SLC28A3: variants seen among roughly 807,000 people sequenced by gnomAD.
SLC28A3 encodes the protein solute carrier family 28 member 3, also known as concentrative Na(+)-nucleoside cotransporter 3.
Under a neutral mutation model 84.2 loss-of-function variants are expected in SLC28A3, and 68 were observed. That is an observed-to-expected ratio of 0.81 (90% CI 0.66 to 0.99). SLC28A3 has a LOEUF of 0.99. SLC28A3 is among the 50% of genes least tolerant of loss of function. SLC28A3 has a pLI of 0.00. For synonymous variants in SLC28A3, 267 were observed against 303.6 expected (o/e 0.88, Z 1.25); for missense variants, 712 against 841.5 (o/e 0.85, Z 1.90).
At chr9:84,327,889 T>G (rs10868148) in intron 1 of SLC28A3, among the ~76,000 whole-genome samples, 118,651 of 145,496 alleles carry the variant, frequency 0.82, 48,467 homozygotes, top group African/African-American at 0.9. Flanking sequence ...TTGTGCCACC[T>G]CACTCCAGCC....
intron 5 of SLC28A3, among the ~76,000 whole-genome samples, chr9:84,301,154 A>G (rs1226017112): frequency 6.6e-6 from 1 of 151,928 alleles, no homozygotes; most frequent in African/African-American, 2.4e-5. Context: ...GTTCAAGACC[A>G]GCCTGAGCAA....
chr9:84,283,534 G>A (rs554902994), intron 14 of SLC28A3, among the ~76,000 whole-genome samples: 1 of 152,226 alleles, frequency 6.6e-6, no homozygotes, highest in Non-Finnish European at 1.5e-5. Context: ...AGGGAGAAGA[G>A]GTCCAGAGAA....
chr9:84,294,888 G>C (rs147651318), intron 8 of SLC28A3, among the ~76,000 whole-genome samples: 1 of 148,104 alleles, frequency 6.8e-6, no homozygotes, highest in Admixed American at 6.6e-5. Flanking sequence ...GGCCCATTCC[G>C]TGGAAAGCAG....
chr9:84,326,670 A>T (rs1035248489), intron 1 of SLC28A3, among the ~76,000 whole-genome samples: 1 of 132,258 alleles, frequency 7.6e-6, no homozygotes, highest in Non-Finnish European at 1.7e-5. Flanking sequence ...CAACAACAAC[A>T]ACAACAACAA....
At chr9:84,307,177 T>G (rs1825824615) in intron 3 of SLC28A3, among the ~76,000 whole-genome samples, 1 of 146,168 alleles carries the variant, frequency 6.8e-6, no homozygotes, top group South Asian at 2.1e-4. Context: ...AAGCCTGTAA[T>G]CTCAGCACTT....
At chr9:84,309,890 C>G (rs72751187) in intron 2 of SLC28A3, among the ~76,000 whole-genome samples, 176 bp from the exon 3 acceptor site, 34 of 152,192 alleles carry the variant, frequency 2.2e-4, no homozygotes, top group Non-Finnish European at 3.7e-4. Flanking sequence ...GGCTTATAAT[C>G]TCACACAAAA....
At chr9:84,310,571 A>G (rs1588598374) in intron 2 of SLC28A3, 4 of 985,312 alleles carry the variant, frequency 4.1e-6, no homozygotes, top group Non-Finnish European at 4.8e-6. Flanking sequence ...GTCATATCCA[A>G]TGTGGCCTTT....
At chr9:84,282,406 G>T (rs1824791595) in intron 14 of SLC28A3, among the ~76,000 whole-genome samples, 1 of 152,140 alleles carries the variant, frequency 6.6e-6, no homozygotes, top group African/African-American at 2.4e-5. Flanking sequence ...CAGTGAAAAG[G>T]ATATAATTTA....
At chr9:84,329,302 G>A (rs1028534116) in intron 1 of SLC28A3, among the ~76,000 whole-genome samples, 1 of 152,162 alleles carries the variant, frequency 6.6e-6, no homozygotes, top group African/African-American at 2.4e-5. Flanking sequence ...CTTCAGTAAT[G>A]ACTAGAACTA....
the SLC28A3 span, among the ~76,000 whole-genome samples, chr9:84,367,255 A>G: frequency 1.3e-5 from 2 of 152,166 alleles, no homozygotes; most frequent in African/African-American, 2.4e-5. Flanking sequence ...CTGGTGGTGA[A>G]TGCTGCCTGG....
chr9:84,308,714 G>A (rs549735803), intron 3 of SLC28A3, among the ~76,000 whole-genome samples: 31 of 152,324 alleles, frequency 2.0e-4, no homozygotes, highest in African/African-American at 6.3e-4. Flanking sequence ...GACAAATACT[G>A]TAGTGTTATG....
At chr9:84,303,626 G>T (rs1825702296) in intron 4 of SLC28A3, among the ~76,000 whole-genome samples, 1 of 152,030 alleles carries the variant, frequency 6.6e-6, no homozygotes, top group Admixed American at 6.6e-5. Flanking sequence ...TGCCTCTTTA[G>T]AATTTTGACG....
At chr9:84,281,362 C>T (rs567133678) in intron 14 of SLC28A3, among the ~76,000 whole-genome samples, 30 of 152,240 alleles carry the variant, frequency 2.0e-4, no homozygotes, top group African/African-American at 7.0e-4. Flanking sequence ...GAATACTTCA[C>T]AAAAGCTATG....
At chr9:84,326,662 AC>A (rs1826563524) in intron 1 of SLC28A3, among the ~76,000 whole-genome samples, 2 of 151,822 alleles carry the variant, frequency 1.3e-5, no homozygotes, top group Non-Finnish European at 2.9e-5. Flanking sequence ...AACAACAACA[AC>A]AACAACAACA....
At chr9:84,351,735 T>A in the SLC28A3 span, among the ~76,000 whole-genome samples, 1 of 151,460 alleles carries the variant, frequency 6.6e-6, no homozygotes, top group Non-Finnish European at 1.5e-5. Context: ...AAAGTTGAAT[T>A]TGGTAAAAGT....
Position 84,309,630 on chromosome 9 carries a change from C to A in SLC28A3, c.241G>T (p.Gly81Trp). The A allele has an allele frequency of 6.2e-7, 1 of 1,612,200 alleles. No individual in the cohort carries two copies. The highest frequency in any genetic ancestry group is 8.5e-7 in the Non-Finnish European group (1 of 1,179,078). Residue 81 changes from glycine to tryptophan, a missense_variant and splice_region_variant, in exon 3 of 18, where the codon GGG becomes TGG. Transcript: ENST00000376238. ...ATTTCCCTGTTTTAAAGACTGTACC[C>A]TTTTTGTTGCATCTCCTCATCATCA... is the stretch of plus-strand genomic sequence containing the variant. ...EDDDEEMQQK[G>W]CLERRYDTVC...
chr9:84,312,534 C>A (rs866783918), intron 2 of SLC28A3, among the ~76,000 whole-genome samples: 2 of 148,196 alleles, frequency 1.3e-5, no homozygotes, highest in East Asian at 2.0e-4. Context: ...AGTGGGCACC[C>A]CAAATTCCTT....
chr9:84,353,039 C>T, the SLC28A3 span, among the ~76,000 whole-genome samples: 1 of 151,442 alleles, frequency 6.6e-6, no homozygotes, highest in Non-Finnish European at 1.5e-5. Flanking sequence ...ATTGACACAA[C>T]AATGAGATTT....
chr9:84,340,694 A>G lies in SLC28A3; in HGVS notation c.-61T>C. 6.2e-7 allele frequency: 1 copy of G among 1,600,200 alleles called. No individual in the cohort carries two copies. Among genetic ancestry groups the G allele is most frequent in the South Asian group, 1.1e-5 (1 of 90,724 alleles). On this transcript the variant is annotated 5_prime_UTR_variant, in exon 1 of 18. Transcript: ENST00000376238. The stretch of plus-strand genomic sequence containing the variant: ...TCCTTTGTACCTGGGAAAAAGCACC[A>G]GTCTCTGCTGATGTCAGAAAGCCAC...
Sources: allele counts gnomAD v4.1 joint callset (sites outside exome capture counted in the v4.1 genomes callset), GRCh38; gene constraint gnomAD v4.1.1; transcripts MANE v1.5; gene names NCBI Gene and HGNC (gene_info 2026-07-23, HGNC 2026-07-21).